QTMAN: variants seen among roughly 807,000 people sequenced by gnomAD.
QTMAN encodes the protein queuosine-tRNA mannosyltransferase.
chr2:144,317,092 C>G, the QTMAN span, among the ~76,000 whole-genome samples: 1 of 152,142 alleles, frequency 6.6e-6, no homozygotes, highest in African/African-American at 2.4e-5. Flanking sequence ...CTCTAGCACC[C>G]TTTTCAATCC....
the QTMAN span, among the ~76,000 whole-genome samples, chr2:144,187,855 T>C: frequency 6.6e-6 from 1 of 152,154 alleles, no homozygotes; most frequent in African/African-American, 2.4e-5. Context: ...GCTGATTTAA[T>C]CAAATTTAGA....
the QTMAN span, among the ~76,000 whole-genome samples, chr2:144,060,926 A>G: frequency 6.6e-6 from 1 of 152,164 alleles, no homozygotes; most frequent in Non-Finnish European, 1.5e-5. Context: ...CATTTTAATA[A>G]TGGTCTGAAC....
the QTMAN span, among the ~76,000 whole-genome samples, chr2:144,169,033 T>G: frequency 1.4e-4 from 22 of 152,264 alleles, no homozygotes; most frequent in Non-Finnish European, 2.5e-4. Context: ...CTTATTTTTT[T>G]AAAGAAATGC....
chr2:144,022,333 G>A, the QTMAN span, among the ~76,000 whole-genome samples: 9 of 150,570 alleles, frequency 6.0e-5, no homozygotes, highest in South Asian at 6.3e-4. Context: ...TCTGTTGCCC[G>A]GGCTGGAGTG....
At chr2:144,300,833 T>A in the QTMAN span, among the ~76,000 whole-genome samples, 1 of 152,180 alleles carries the variant, frequency 6.6e-6, no homozygotes, top group Non-Finnish European at 1.5e-5. Flanking sequence ...AAAATGGTCT[T>A]GTCCAGCCTC....
the QTMAN span, among the ~76,000 whole-genome samples, chr2:144,293,662 A>G: frequency 6.6e-6 from 1 of 152,220 alleles, no homozygotes; most frequent in African/African-American, 2.4e-5. Context: ...TGGGGATATC[A>G]TCTCTCCAGG....
At chr2:144,071,371 T>C in the QTMAN span, among the ~76,000 whole-genome samples, 1 of 152,188 alleles carries the variant, frequency 6.6e-6, no homozygotes, top group South Asian at 2.1e-4. Flanking sequence ...GTGTAAATTA[T>C]GTGATGAATT....
chr2:144,017,564 G>A, the QTMAN span, among the ~76,000 whole-genome samples: 2 of 152,268 alleles, frequency 1.3e-5, no homozygotes, highest in African/African-American at 2.4e-5. Flanking sequence ...TTGACTGGTT[G>A]TAAATTAAGG....
chr2:144,062,106 CT>C, the QTMAN span, among the ~76,000 whole-genome samples: 1 of 152,182 alleles, frequency 6.6e-6, no homozygotes, highest in African/African-American at 2.4e-5. Context: ...CCCAAAAAGG[CT>C]GTCACACTGA....
chr2:144,000,957 C>A, the QTMAN span, among the ~76,000 whole-genome samples: 3 of 151,918 alleles, frequency 2.0e-5, no homozygotes, highest in Non-Finnish European at 4.4e-5. Flanking sequence ...CTATTCACCC[C>A]ACACCATCCT....
At chr2:144,037,497 C>T in the QTMAN span, among the ~76,000 whole-genome samples, 3 of 152,134 alleles carry the variant, frequency 2.0e-5, no homozygotes, top group Non-Finnish European at 4.4e-5. Flanking sequence ...CTAGTTGTGG[C>T]AGCTCATGAG....
At chr2:144,239,622 T>G in the QTMAN span, among the ~76,000 whole-genome samples, 11 of 152,336 alleles carry the variant, frequency 7.2e-5, 1 homozygote, top group East Asian at 1.5e-3. Flanking sequence ...AGCCCTTTTC[T>G]TTAAACTGCT....
chr2:144,247,447 T>G, the QTMAN span, among the ~76,000 whole-genome samples: 2 of 152,140 alleles, frequency 1.3e-5, no homozygotes, highest in African/African-American at 4.8e-5. Flanking sequence ...AATATAATAA[T>G]GCAACACTAA....
the QTMAN span, among the ~76,000 whole-genome samples, chr2:144,279,896 C>T: frequency 6.6e-6 from 1 of 152,074 alleles, no homozygotes; most frequent in Non-Finnish European, 1.5e-5. Context: ...TAGACATTTA[C>T]AACTATCAGT....
the QTMAN span, among the ~76,000 whole-genome samples, chr2:144,311,214 T>G: frequency 6.6e-6 from 1 of 152,240 alleles, no homozygotes; most frequent in East Asian, 1.9e-4. Flanking sequence ...ATACTCATTC[T>G]TATTCTAGAG....
At chr2:144,274,932 T>C in the QTMAN span, among the ~76,000 whole-genome samples, 3 of 152,116 alleles carry the variant, frequency 2.0e-5, 1 homozygote, top group Admixed American at 1.3e-4. Flanking sequence ...AGCCCTTAGC[T>C]GTAGAATCTG....
the QTMAN span, among the ~76,000 whole-genome samples, chr2:144,079,670 T>C: frequency 6.6e-6 from 1 of 152,082 alleles, no homozygotes; most frequent in Non-Finnish European, 1.5e-5. Context: ...GAAAGGAGAA[T>C]GGAGTCTAAT....
chr2:143,947,876 G>A, the QTMAN span, among the ~76,000 whole-genome samples: 5 of 151,914 alleles, frequency 3.3e-5, no homozygotes, highest in African/African-American at 9.7e-5. Context: ...AAGGAAGGAA[G>A]GAAGGAAGAG....
chr2:144,116,348 A>ATGTG, the QTMAN span, among the ~76,000 whole-genome samples: 2 of 149,224 alleles, frequency 1.3e-5, no homozygotes, highest in South Asian at 2.1e-4. Flanking sequence ...GTGTGTGTGC[A>ATGTG]TGTGTGTGTG....
Sources: allele counts gnomAD v4.1 joint callset (sites outside exome capture counted in the v4.1 genomes callset), GRCh38; gene constraint gnomAD v4.1.1; transcripts MANE v1.5; gene names NCBI Gene and HGNC (gene_info 2026-07-23, HGNC 2026-07-21).